Variants in NBAS observed in about 807,000 individuals in gnomAD.
NBAS encodes the protein NAG/BC035112 fusion.
In NBAS, 219 loss-of-function variants were observed where a neutral mutation model predicts 302.5. That is an observed-to-expected ratio of 0.72 (90% CI 0.65 to 0.81). NBAS has a LOEUF of 0.81. NBAS is among the 30% of genes least tolerant of loss of function. NBAS has a pLI of 0.00. For missense variants in NBAS, 2,932 were observed against 2,841.6 expected, an observed-to-expected ratio of 1.03 and a Z score of -0.72; for synonymous variants, 1,118 against 1,021.6, an observed-to-expected ratio of 1.09 and a Z score of -1.80.
chr2:14,875,339 G>C, the NBAS span, among the ~76,000 whole-genome samples: 1 of 152,154 alleles, frequency 6.6e-6, no homozygotes, highest in South Asian at 2.1e-4. Flanking sequence ...ACATTTCAGG[G>C]CTGGGCATGG....
the NBAS span, among the ~76,000 whole-genome samples, chr2:14,801,681 G>T: frequency 6.6e-6 from 1 of 151,566 alleles, no homozygotes; most frequent in Non-Finnish European, 1.5e-5. Flanking sequence ...CCTCTTCTTT[G>T]CATTCCTGGT....
the NBAS span, among the ~76,000 whole-genome samples, chr2:15,007,586 C>A: frequency 6.6e-6 from 1 of 152,012 alleles, no homozygotes; most frequent in African/African-American, 2.4e-5. Flanking sequence ...GTGTAAAGGT[C>A]CCTGTTAATA....
At chr2:15,350,533 G>A (rs1364001036) in intron 35 of NBAS, among the ~76,000 whole-genome samples, 1 of 152,072 alleles carries the variant, frequency 6.6e-6, no homozygotes, top group African/African-American at 2.4e-5. Context: ...AAATTCCCTG[G>A]AGCAAACACT....
chr2:15,389,251 G>C (rs555327113), intron 28 of NBAS, among the ~76,000 whole-genome samples: 2 of 152,318 alleles, frequency 1.3e-5, no homozygotes, highest in South Asian at 4.1e-4. Context: ...ACCAGCTTAT[G>C]TAATACAACC....
the NBAS span, among the ~76,000 whole-genome samples, chr2:15,109,873 T>C: frequency 6.6e-6 from 1 of 152,258 alleles, no homozygotes; most frequent in African/African-American, 2.4e-5. Flanking sequence ...AAATGTTCAA[T>C]GTCTTTCTGT....
At chr2:15,216,415 T>C (rs1427972619) in intron 48 of NBAS, among the ~76,000 whole-genome samples, 1 of 152,150 alleles carries the variant, frequency 6.6e-6, no homozygotes, top group East Asian at 1.9e-4. Context: ...AGAAGAAATA[T>C]TGGTGAAACG....
At chr2:15,451,746 T>A (rs926680961) in intron 21 of NBAS, among the ~76,000 whole-genome samples, 2 of 152,080 alleles carry the variant, frequency 1.3e-5, no homozygotes, top group Non-Finnish European at 2.9e-5. Context: ...AAATAAAGTA[T>A]CAAAAGACAC....
intron 21 of NBAS, among the ~76,000 whole-genome samples, chr2:15,434,196 C>T (rs1291603984): frequency 6.6e-6 from 1 of 152,024 alleles, no homozygotes; most frequent in Non-Finnish European, 1.5e-5. Context: ...CTGCTCTATA[C>T]AAGATGATTA....
At chr2:15,188,559 T>C (rs973554366) in intron 49 of NBAS, among the ~76,000 whole-genome samples, 1 of 152,204 alleles carries the variant, frequency 6.6e-6, no homozygotes, top group African/African-American at 2.4e-5. Flanking sequence ...GACTGGGAAA[T>C]GCTTTGTTCT....
At chr2:15,496,953 G>T (rs1325153011) in intron 11 of NBAS, among the ~76,000 whole-genome samples, 1 of 152,088 alleles carries the variant, frequency 6.6e-6, no homozygotes, top group African/African-American at 2.4e-5. Flanking sequence ...ACTATAAGAG[G>T]AGTCTGAGGA....
At chr2:15,015,011 C>T in the NBAS span, among the ~76,000 whole-genome samples, 1 of 151,440 alleles carries the variant, frequency 6.6e-6, no homozygotes, top group Non-Finnish European at 1.5e-5. Context: ...CAAATATATG[C>T]CAATAAATTT....
intron 35 of NBAS, among the ~76,000 whole-genome samples, chr2:15,337,363 T>C (rs1046259120): frequency 4.0e-4 from 60 of 151,834 alleles, no homozygotes; most frequent in African/African-American, 1.4e-3. Flanking sequence ...TATATGCTGC[T>C]CGGGAGATGA....
At chr2:14,969,240 T>C in the NBAS span, among the ~76,000 whole-genome samples, 4 of 152,084 alleles carry the variant, frequency 2.6e-5, no homozygotes. Context: ...TGGGGTTCCT[T>C]TTGGAGTAAG....
chr2:15,126,861 T>C, the NBAS span, among the ~76,000 whole-genome samples: 1 of 152,122 alleles, frequency 6.6e-6, no homozygotes, highest in Non-Finnish European at 1.5e-5. Context: ...AATATCACCA[T>C]AGGACTGATA....
In NBAS at chr2:15,232,483, T is replaced by C; in HGVS notation, c.6175A>G (p.Arg2059Gly). 1.2e-6 allele frequency: 2 copies of C among 1,613,974 alleles called. No homozygotes were observed. The highest frequency in any genetic ancestry group is 1.7e-6 in the Non-Finnish European group (2 of 1,179,988). ...CCTTCCAGGACCTTCAGTGGGTCCC[T>C]TGGCCCACCAAGGTCAGCACTGCCA... ...SGGSADLGGP[R>G]DPLKVLEGVV... The change falls in exon 47 of 52, where the codon AGG (arginine) becomes GGG (glycine). Residue 2059 changes from arginine (R) to glycine (G), a missense_variant. Physicochemically the swap from Arg to Gly is moderately radical, Grantham distance 125 (BLOSUM62 -2). Transcript: ENST00000281513.
chr2:15,411,242 A>G lies in NBAS; in HGVS notation c.2937+4304T>C, dbSNP rs139805400. Among the ~76,000 whole-genome samples the G allele has an allele frequency of 4.8e-3, 725 of 152,120 alleles. 2 individuals are homozygous for G. Among genetic ancestry groups the G allele is most frequent in the African/African-American group, 0.015 (640 of 41,496 alleles). ...TCTGACTCATCATTTTAAAGACTTC[A>G]CCTTCTATCTCAAGATAGGTATTAA... On this transcript the variant is annotated intron_variant, in intron 25 of 51. Transcript: ENST00000281513.
chr2:14,846,440 G>GAA, the NBAS span, among the ~76,000 whole-genome samples: 9,819 of 101,588 alleles, frequency 0.097, 472 homozygotes, highest in African/African-American at 0.15. Context: ...ACTTCAATTA[G>GAA]AAAAAAAAAA....
intron 6 of NBAS, among the ~76,000 whole-genome samples, chr2:15,542,126 G>A (rs1440405882): frequency 2.4e-5 from 2 of 84,184 alleles, no homozygotes; most frequent in African/African-American, 8.6e-5. Flanking sequence ...TCTGGGAGGT[G>A]TACCCAACAG....
At chr2:15,007,856 C>A in the NBAS span, among the ~76,000 whole-genome samples, 3 of 152,240 alleles carry the variant, frequency 2.0e-5, no homozygotes, top group African/African-American at 4.8e-5. Context: ...TAGTATACTG[C>A]ATGACTTTAA....
Sources: allele counts gnomAD v4.1 joint callset (sites outside exome capture counted in the v4.1 genomes callset), GRCh38; gene constraint gnomAD v4.1.1; transcripts MANE v1.5; gene names NCBI Gene and HGNC (gene_info 2026-07-23, HGNC 2026-07-21).